Variants in IGFL2 observed in about 807,000 individuals in gnomAD.
The protein encoded by IGFL2 is IGF like family member 2.
In IGFL2, 7 loss-of-function variants were observed where a neutral mutation model predicts 13.9. The observed-to-expected ratio is 0.51, with a 90% CI of 0.29 to 0.95. The LOEUF (loss-of-function observed/expected upper bound fraction) is 0.95, where lower values mean the gene tolerates loss of function less well. IGFL2 is among the 40% of genes least tolerant of loss of function. The probability of loss-of-function intolerance (pLI) is 0.08; values close to 1 mark genes in which losing one functional copy is unlikely to be tolerated. For missense variants in IGFL2, 138 were observed against 147.8 expected, an observed-to-expected ratio of 0.93 and a Z score of 0.34; for synonymous variants, 55 against 55.8, an observed-to-expected ratio of 0.99 and a Z score of 0.07.
At chr19:46,109,966 G>A in the IGFL2 span, among the ~76,000 whole-genome samples, 1 of 152,186 alleles carries the variant, frequency 6.6e-6, no homozygotes, top group Non-Finnish European at 1.5e-5. Context: ...TGGACTCAGA[G>A]GCCTGACACT....
At chr19:46,091,957 G>A in the IGFL2 span, among the ~76,000 whole-genome samples, 11 of 152,134 alleles carry the variant, frequency 7.2e-5, no homozygotes, top group African/African-American at 2.7e-4. Flanking sequence ...AAAATGCAAT[G>A]CATTAAGTGT....
the IGFL2 span, among the ~76,000 whole-genome samples, chr19:46,134,749 A>C: frequency 6.6e-6 from 1 of 152,176 alleles, no homozygotes; most frequent in Non-Finnish European, 1.5e-5. Context: ...AGCAGCTGTA[A>C]ATACAGATGA....
intron 1 of IGFL2, among the ~76,000 whole-genome samples, chr19:46,153,535 T>A (rs73048058): frequency 6.6e-6 from 1 of 152,146 alleles, no homozygotes; most frequent in Non-Finnish European, 1.5e-5. Context: ...AGATTCTTTA[T>A]TTTTCCCAGC....
chr19:46,084,946 G>A, the IGFL2 span, among the ~76,000 whole-genome samples: 8 of 151,956 alleles, frequency 5.3e-5, no homozygotes, highest in Admixed American at 1.3e-4. Context: ...TACTCATTCC[G>A]GCATCAACTC....
the IGFL2 span, chr19:46,180,756 T>A: frequency 1.3e-5 from 2 of 152,330 alleles, no homozygotes; most frequent in African/African-American, 2.4e-5. Context: ...TGAGAGCACC[T>A]GGCAAACCAC....
At chr19:46,082,630 T>G in the IGFL2 span, among the ~76,000 whole-genome samples, 1 of 123,768 alleles carries the variant, frequency 8.1e-6, no homozygotes, top group Non-Finnish European at 1.8e-5. Context: ...TGTGTCTCCA[T>G]TTTTTTTTTT....
At chr19:46,193,301 C>G in the IGFL2 span, among the ~76,000 whole-genome samples, 337 of 152,280 alleles carry the variant, frequency 2.2e-3, no homozygotes, top group Non-Finnish European at 4.0e-3. Context: ...TCCTGCCCCG[C>G]TGGTGAGTCA....
intron 1 of IGFL2, among the ~76,000 whole-genome samples, chr19:46,157,764 C>A (rs1024170626): frequency 4.4e-4 from 67 of 152,106 alleles, no homozygotes; most frequent in African/African-American, 1.6e-3. Flanking sequence ...CAGTGTATTG[C>A]TGGACATTCT....
At chr19:46,136,998 C>T in the IGFL2 span, 3 of 1,558,304 alleles carry the variant, frequency 1.9e-6, no homozygotes, top group African/African-American at 4.1e-5. Flanking sequence ...AACTGACTGG[C>T]AGAGAAAGGG....
the IGFL2 span, chr19:46,137,674 C>G: frequency 1.7e-6 from 1 of 587,106 alleles, no homozygotes; most frequent in East Asian, 3.2e-5. Flanking sequence ...CCAGTGTGGC[C>G]CAGCCTTGGT....
At chr19:46,133,767 G>A in the IGFL2 span, among the ~76,000 whole-genome samples, 1 of 152,144 alleles carries the variant, frequency 6.6e-6, no homozygotes, top group Non-Finnish European at 1.5e-5. Context: ...CTCTGAAGAG[G>A]AACCTCTACT....
chr19:46,115,852 AG>A, the IGFL2 span, among the ~76,000 whole-genome samples: 1 of 152,128 alleles, frequency 6.6e-6, no homozygotes, highest in East Asian at 1.9e-4. Context: ...ATACCACTCC[AG>A]CCCCTCATTG....
In IGFL2 at chr19:46,160,835, G is replaced by A. The variant is rs757139168; in HGVS notation, c.295G>A (p.Val99Met). 7.4e-6 allele frequency: 12 copies of A among 1,613,854 alleles called. No individual in the cohort carries two copies. In the African/African-American group the frequency reaches 1.5e-4, roughly 20 times the overall value. ...TGTTGTGAAGCTGAAGGTTCAGGGT[G>A]TGAATTCCCAGTGCCACTCATCTCC... ...DFVVKLKVQG[V>M]NSQCHSSPIS... Residue 99 changes from valine (V) to methionine (M), a missense_variant, in exon 3 of 4, where the codon GTG (valine) becomes ATG (methionine). Physicochemically the swap from Val to Met is conservative, Grantham distance 21. Coordinates refer to ENST00000377693, the MANE Select transcript of IGFL2 (RefSeq NM_001135113.2).
the IGFL2 span, among the ~76,000 whole-genome samples, chr19:46,167,007 T>C: frequency 6.6e-6 from 1 of 152,172 alleles, no homozygotes; most frequent in Non-Finnish European, 1.5e-5. Context: ...GATTAAGAGA[T>C]TAAAGTAAAG....
the IGFL2 span, among the ~76,000 whole-genome samples, chr19:46,125,208 G>A: frequency 6.6e-6 from 1 of 152,164 alleles, no homozygotes; most frequent in Non-Finnish European, 1.5e-5. Context: ...GTTGAGCCAC[G>A]GCTCTGGAAA....
At chr19:46,137,630 C>A in the IGFL2 span, 1 of 809,380 alleles carries the variant, frequency 1.2e-6, no homozygotes, top group Non-Finnish European at 2.1e-6. Flanking sequence ...AGGAGCAGGA[C>A]CCTGCGTGAC....
chr19:46,147,937 G>A (rs1218258967), upstream of IGFL2: 2 of 281,228 alleles, frequency 7.1e-6, no homozygotes, highest in Non-Finnish European at 1.3e-5. Context: ...TCAGATAAGT[G>A]AGAGCCAAGG....
At chr19:46,078,825 A>C in the IGFL2 span, among the ~76,000 whole-genome samples, 2 of 151,550 alleles carry the variant, frequency 1.3e-5, no homozygotes, top group African/African-American at 4.9e-5. Context: ...TCGTCAGTAG[A>C]CATCGCGCAG....
At chr19:46,083,915 A>G in the IGFL2 span, among the ~76,000 whole-genome samples, 2 of 152,324 alleles carry the variant, frequency 1.3e-5, no homozygotes, top group Admixed American at 6.5e-5. Flanking sequence ...GTTTTGTGCA[A>G]TGGTGGGCAT....
Sources: allele counts gnomAD v4.1 joint callset (sites outside exome capture counted in the v4.1 genomes callset), GRCh38; gene constraint gnomAD v4.1.1; transcripts MANE v1.5; gene names NCBI Gene and HGNC (gene_info 2026-07-23, HGNC 2026-07-21).